Variants in ADARB2 observed in about 807,000 individuals in gnomAD.
ADARB2 encodes adenosine deaminase RNA specific B2 (inactive).
Under a neutral mutation model 62.2 loss-of-function variants are expected in ADARB2, and 25 were observed. The observed-to-expected ratio is 0.40, with a 90% CI of 0.29 to 0.56. The LOEUF (loss-of-function observed/expected upper bound fraction) is 0.56, where lower values mean the gene tolerates loss of function less well. Among genes scored for constraint, ADARB2 ranks in the 20% least tolerant of loss-of-function variants. The pLI is 0.43. For missense variants in ADARB2, 1,071 were observed against 1,077.4 expected (o/e 0.99, Z 0.08); for synonymous variants, 572 against 500.8 (o/e 1.14, Z -1.90).
chr10:1,182,020 G>A lies in ADARB2; in HGVS notation c.*1173C>T, dbSNP rs1186329097. 1.3e-5 allele frequency: 2 copies of A among 152,342 alleles called. No individual in the cohort carries two copies. The highest frequency in any genetic ancestry group is 1.3e-4 in the Admixed American group (2 of 15,310). The allele number at this position is 152,342 out of a possible 1,614,324, so 9.4% of individuals were successfully genotyped here. A position where few individuals can be genotyped will look rare whatever the true frequency, so the allele number is the denominator to read the frequency against. On this transcript the variant is annotated 3_prime_UTR_variant, in exon 10 of 10. Transcript: ENST00000381312. The stretch of plus-strand genomic sequence containing the variant: ...CTGGTGTTGGAAGCCTGCTCTGAGG[G>A]TCACAGAATCCTGCCTCTTACATTT...
At chr10:1,559,417 G>A (rs1423347914) in intron 1 of ADARB2, among the ~76,000 whole-genome samples, 1 of 152,194 alleles carries the variant, frequency 6.6e-6, no homozygotes, top group Non-Finnish European at 1.5e-5. Flanking sequence ...ACATTCCCTG[G>A]GGAGGGTCCT....
At chr10:1,548,829 T>C (rs561405600) in intron 1 of ADARB2, among the ~76,000 whole-genome samples, 17 of 152,234 alleles carry the variant, frequency 1.1e-4, no homozygotes, top group African/African-American at 3.6e-4. Flanking sequence ...GTTAGGAACC[T>C]GGGAAGAGTT....
At chr10:1,445,089 C>T (rs1215367475) in intron 1 of ADARB2, among the ~76,000 whole-genome samples, 1 of 151,856 alleles carries the variant, frequency 6.6e-6, no homozygotes, top group Non-Finnish European at 1.5e-5. Flanking sequence ...ATCCATCCAC[C>T]CACCCACCCA....
intron 7 of ADARB2, among the ~76,000 whole-genome samples, chr10:1,200,591 G>A (rs1392321677): frequency 9.2e-5 from 14 of 152,092 alleles, no homozygotes; most frequent in African/African-American, 3.4e-4. Flanking sequence ...GACCTATTGT[G>A]TTGAAATTAC....
Position 1,452,416 on chromosome 10 carries a change from A to G in ADARB2, c.101-73256T>C, listed in dbSNP as rs1255629934. On this transcript the variant is annotated intron_variant, in intron 1 of 9. Transcript: ENST00000381312. ...ACTTTCTAGTTCTTTTACTCAGCTCAAAAACTTTCTTAGAAATACAGGTGA... is the reference window on the plus strand; with the variant it reads ...ACTTTCTAGTTCTTTTACTCAGCTCGAAAACTTTCTTAGAAATACAGGTGA... 2.6e-5 allele frequency among the ~76,000 whole-genome samples: 4 copies of G among 152,164 alleles called. No individual in the cohort carries two copies. The East Asian group carries it at 7.7e-4, about 29-fold the overall frequency.
chr10:1,287,011 T>C (rs79429660), intron 3 of ADARB2, among the ~76,000 whole-genome samples: 3,954 of 152,228 alleles, frequency 0.026, 59 homozygotes, highest in Middle Eastern at 0.048. Context: ...AAGTAACCTG[T>C]TTAAAGGGTA....
chr10:1,219,471 G>A (rs1830661956), intron 6 of ADARB2, among the ~76,000 whole-genome samples: 1 of 152,248 alleles, frequency 6.6e-6, no homozygotes, highest in Non-Finnish European at 1.5e-5. Flanking sequence ...AACCCTTTGA[G>A]AGGCTTCAGA....
intron 7 of ADARB2, among the ~76,000 whole-genome samples, chr10:1,204,192 C>T (rs1329074648): frequency 6.6e-6 from 1 of 152,192 alleles, no homozygotes; most frequent in African/African-American, 2.4e-5. Flanking sequence ...TGAGACGTCT[C>T]TGCATACAGG....
Position 1,351,468 on chromosome 10 carries a change from C to CT in ADARB2, c.1077+11559_1077+11560insA, listed in dbSNP as rs542690147. Reference sequence around the variant, plus strand: ...CTTAGACAATACTCTTTTAAGTACTCCTTTTAGTTATCCCCACCTGCCCAG... The same window carrying CT: ...CTTAGACAATACTCTTTTAAGTACTCTCTTTTAGTTATCCCCACCTGCCCAG... On this transcript the variant is annotated intron_variant, in intron 3 of 9. Transcript: ENST00000381312. 2.9e-3 allele frequency among the ~76,000 whole-genome samples: 433 copies of CT among 151,616 alleles called. 4 individuals are homozygous for CT. The highest frequency in any genetic ancestry group is 1.0e-2 in the African/African-American group (412 of 41,298).
chr10:1,675,546 G>T (rs1435354537), intron 1 of ADARB2, among the ~76,000 whole-genome samples: 2 of 151,516 alleles, frequency 1.3e-5, no homozygotes, highest in African/African-American at 2.4e-5. Context: ...TGGGTTTGGG[G>T]GTACATGGAT....
chr10:1,357,111 G>A (rs1832203298), intron 3 of ADARB2, among the ~76,000 whole-genome samples: 1 of 152,234 alleles, frequency 6.6e-6, no homozygotes, highest in Non-Finnish European at 1.5e-5. Context: ...GTCAGCAAAA[G>A]GGCAGAGACG....
At chr10:1,708,172 G>T (rs1834913193) in intron 1 of ADARB2, among the ~76,000 whole-genome samples, 1 of 152,170 alleles carries the variant, frequency 6.6e-6, no homozygotes, top group Non-Finnish European at 1.5e-5. Context: ...CCATAGCAGA[G>T]ATTCTAGTTT....
chr10:1,614,910 C>A (rs1270340351), intron 1 of ADARB2, among the ~76,000 whole-genome samples: 22 of 148,742 alleles, frequency 1.5e-4, no homozygotes, highest in Admixed American at 2.0e-4. Flanking sequence ...GACTCTGACT[C>A]AAAAAAAAAT....
intron 1 of ADARB2, among the ~76,000 whole-genome samples, chr10:1,585,794 G>A (rs1833167828): frequency 6.6e-6 from 1 of 152,160 alleles, no homozygotes; most frequent in South Asian, 2.1e-4. Flanking sequence ...CAGCACTTTG[G>A]GAGGCCAAGG....
intron 2 of ADARB2, among the ~76,000 whole-genome samples, chr10:1,364,871 ATTTTTTTT>A (rs35539783): frequency 2.4e-5 from 3 of 127,342 alleles, no homozygotes; most frequent in Non-Finnish European, 5.0e-5. Flanking sequence ...CATTTTGGTA[ATTTTTTTT>A]TTTTTTTTTT....
intron 1 of ADARB2, among the ~76,000 whole-genome samples, chr10:1,537,377 G>C (rs1832346066): frequency 6.6e-6 from 1 of 152,266 alleles, no homozygotes; most frequent in Non-Finnish European, 1.5e-5. Flanking sequence ...ATGTAAATTA[G>C]TTCAACAATT....
At position 1,653,834 on chromosome 10, in the gene ADARB2, C is replaced by G. The variant is rs556346755; in HGVS notation, c.100+83217G>C. ...ACTGATTTTTTTTCCTGTTAACCCT[C>G]CCTAGCAGGGTTTTTATTAATGGGG... On this transcript the variant is annotated intron_variant, in intron 1 of 9. Coordinates refer to ENST00000381312, the MANE Select transcript of ADARB2 (RefSeq NM_018702.4). Among the ~76,000 whole-genome samples, 1,232 of 152,298 alleles carry G rather than the reference C, an allele frequency of 8.1e-3. 4 individuals are homozygous for G. The highest frequency in any genetic ancestry group is 0.031 in the Middle Eastern group (9 of 294).
chr10:1,538,075 C>T (rs1478315136), intron 1 of ADARB2, among the ~76,000 whole-genome samples: 3 of 152,232 alleles, frequency 2.0e-5, no homozygotes, highest in Non-Finnish European at 4.4e-5. Context: ...AGTTGGAGTG[C>T]TTCTGAGACA....
rs199639455 is a variant in ADARB2, at chr10:1,524,058, G to GA, written c.101-144899dup. Among the ~76,000 whole-genome samples the GA allele has an allele frequency of 6.0e-3, 618 of 103,688 alleles. 8 individuals are homozygous for GA. The highest frequency in any genetic ancestry group is 0.019 in the East Asian group (65 of 3,356). The allele number at this position is 103,688 out of a possible 152,430, so 68.0% of individuals were successfully genotyped here. A position where few individuals can be genotyped will look rare whatever the true frequency, so the allele number is the denominator to read the frequency against. On this transcript the variant is annotated intron_variant, in intron 1 of 9. Transcript: ENST00000381312. ...ATTCTAGACAGTATCCTGGGGATATGAAGATAGATAGATAGATAGATAGAT... is the reference window on the plus strand; with the variant it reads ...ATTCTAGACAGTATCCTGGGGATATGAAAGATAGATAGATAGATAGATAGAT...
Sources: allele counts gnomAD v4.1 joint callset (sites outside exome capture counted in the v4.1 genomes callset), GRCh38; gene constraint gnomAD v4.1.1; transcripts MANE v1.5; gene names NCBI Gene and HGNC (gene_info 2026-07-23, HGNC 2026-07-21).